The following UTRN variants were observed in gnomAD, a reference collection of about 807,000 sequenced individuals.
UTRN encodes the protein dystrophin-related protein 1.
A neutral mutation model predicts 463.9 loss-of-function variants in UTRN; 283 were observed. That is an observed-to-expected ratio of 0.61 (90% CI 0.55 to 0.67). The LOEUF is 0.67. Among genes scored for constraint, UTRN ranks in the 30% least tolerant of loss-of-function variants. The probability of loss-of-function intolerance (pLI) is 0.00; values close to 1 mark genes in which losing one functional copy is unlikely to be tolerated. For missense variants in UTRN, 3,922 were observed against 4,084.3 expected (o/e 0.96, Z 1.08); for synonymous variants, 1,442 against 1,431.5 (o/e 1.01, Z -0.17).
intron 52 of UTRN, among the ~76,000 whole-genome samples, chr6:144,681,596 T>G (rs559365399): frequency 2.0e-5 from 3 of 151,940 alleles, no homozygotes; most frequent in African/African-American, 7.2e-5. Context: ...GAAATCTGAT[T>G]GCAGAGGACT....
At chr6:144,840,711 T>G (rs753520997) in intron 72 of UTRN, 29 bp from the exon 73 acceptor site, 1 of 1,612,118 alleles carries the variant, frequency 6.2e-7, no homozygotes, top group Non-Finnish European at 8.5e-7. Flanking sequence ...TTTGAGAAGC[T>G]TTGTTGTTCT....
At chr6:144,658,614 A>G (rs1383601664) in intron 51 of UTRN, among the ~76,000 whole-genome samples, 1 of 152,132 alleles carries the variant, frequency 6.6e-6, no homozygotes, top group East Asian at 1.9e-4. Flanking sequence ...ACATTATTCT[A>G]CTTGTGGTAG....
In UTRN at chr6:144,309,006, T is replaced by C. The variant is rs114428867; in HGVS notation, c.79+17099T>C. ...TCCAGTAAAACTGCTCTTGTCAAAG[T>C]TATTAGGGACCTCCTTGTTGCTAAA... On this transcript the variant is annotated intron_variant, in intron 2 of 74. Coordinates refer to ENST00000367545, the MANE Select transcript of UTRN (RefSeq NM_007124.3). Among the ~76,000 whole-genome samples the C allele has an allele frequency of 2.1e-3, 313 of 152,302 alleles. 1 individual carries two copies. Among genetic ancestry groups the C allele is most frequent in the African/African-American group, 7.2e-3 (298 of 41,558 alleles).
chr6:144,784,725 G>A (rs867161957), intron 61 of UTRN, among the ~76,000 whole-genome samples: 1 of 152,344 alleles, frequency 6.6e-6, no homozygotes, highest in African/African-American at 2.4e-5. Flanking sequence ...ATTCTAGGGA[G>A]TTAAATGTTG....
chr6:144,461,238 A>C lies in UTRN; in HGVS notation c.2749A>C (p.Lys917Gln). ...QPGHAYLETLKTLKDVLNDSE... is the reference protein window; with the variant it reads ...QPGHAYLETLQTLKDVLNDSE... The stretch of plus-strand genomic sequence containing the variant: ...TGGACATGCATATCTGGAAACATTG[A>C]AAACACTGAAAGATGTGCTAAATGA... Residue 917 changes from lysine to glutamine, a missense_variant, in exon 22 of 75, where the codon AAA becomes CAA. Physicochemically the swap from Lys to Gln is moderately conservative, Grantham distance 53 (BLOSUM62 1). Transcript: ENST00000367545. 6.2e-7 allele frequency: 1 copy of C among 1,608,792 alleles called. No homozygotes were observed. The highest frequency in any genetic ancestry group is 1.1e-5 in the South Asian group (1 of 89,926).
intron 2 of UTRN, among the ~76,000 whole-genome samples, chr6:144,301,969 T>C (rs1469935714): frequency 6.6e-6 from 1 of 152,162 alleles, no homozygotes; most frequent in Admixed American, 6.6e-5. Flanking sequence ...TTTTGTGTTC[T>C]GGGCTTGATT....
At chr6:144,583,522 T>C in intron 51 of UTRN, 1 of 716,492 alleles carries the variant, frequency 1.4e-6, no homozygotes, top group Non-Finnish European at 2.6e-6. Flanking sequence ...TGAGAACGTC[T>C]CTGCAGAAAG....
intron 27 of UTRN, among the ~76,000 whole-genome samples, chr6:144,484,222 A>G (rs548002066): frequency 1.3e-5 from 2 of 152,308 alleles, no homozygotes; most frequent in East Asian, 3.9e-4. Flanking sequence ...TAAGAACAGT[A>G]TAACTCCAGT....
At chr6:144,317,897 A>G (rs1235035956) in intron 2 of UTRN, among the ~76,000 whole-genome samples, 2 of 152,234 alleles carry the variant, frequency 1.3e-5, no homozygotes, top group Non-Finnish European at 2.9e-5. Flanking sequence ...AAATCTGAAC[A>G]TAAGCATTTC....
chr6:144,520,109 G>C (rs1245706520), intron 39 of UTRN, among the ~76,000 whole-genome samples: 4 of 152,176 alleles, frequency 2.6e-5, no homozygotes, highest in Non-Finnish European at 4.4e-5. Context: ...CAAAATCTTG[G>C]TTAATGGATG....
chr6:144,305,939 T>A (rs1470419485), intron 2 of UTRN, among the ~76,000 whole-genome samples: 1 of 152,252 alleles, frequency 6.6e-6, no homozygotes, highest in African/African-American at 2.4e-5. Flanking sequence ...TGTACCATTT[T>A]CTTTTGCCTA....
At chr6:144,716,846 A>G (rs1786514055) in intron 53 of UTRN, among the ~76,000 whole-genome samples, 2 of 152,192 alleles carry the variant, frequency 1.3e-5, no homozygotes, top group South Asian at 4.1e-4. Context: ...TAACTTTTCA[A>G]GGTTGCATAA....
chr6:144,345,905 C>T (rs1405084019), intron 2 of UTRN, among the ~76,000 whole-genome samples: 3 of 152,026 alleles, frequency 2.0e-5, no homozygotes, highest in Non-Finnish European at 2.9e-5. Context: ...TGGCCGGGGG[C>T]GGTGGCTCAC....
Position 144,458,809 on chromosome 6 carries a change from AG to A in UTRN, c.2326del (p.Val776PhefsTer15). ...PTEEIKNVLEKVSSEWKNVSQ... is the reference protein window; with the variant it reads ...PTEEIKNVLEXVSSEWKNVSQ... ...GAAGAAATAAAAAATGTTCTGGAGA[AG>A]GTTTCATCAGAATGGAAGAATGTAT... is the stretch of plus-strand genomic sequence containing the variant. On this transcript the variant is annotated frameshift_variant, in exon 20 of 75. Coordinates refer to ENST00000367545, the MANE Select transcript of UTRN (RefSeq NM_007124.3). LOFTEE classifies it high-confidence loss of function. 6.2e-7 allele frequency: 1 copy of A among 1,606,934 alleles called. No individual in the cohort carries two copies. Among genetic ancestry groups the A allele is most frequent in the Non-Finnish European group, 8.5e-7 (1 of 1,178,338 alleles).
Position 144,514,725 on chromosome 6 carries a change from G to T in UTRN, c.5149G>T (p.Ala1717Ser), listed in dbSNP as rs139248794. 3.4e-4 allele frequency: 541 copies of T among 1,614,166 alleles called. 2 individuals are homozygous for T. In the African/African-American group the frequency reaches 6.7e-3, roughly 20 times the overall value. The change falls in exon 37 of 75, where the codon GCC becomes TCC. Residue 1717 changes from alanine to serine, a missense_variant. Around this residue, in one of 3 missense-constraint regions of UTRN, gnomAD observed 2,349 missense variants for 2,303.8 expected, o/e 1.02. Coordinates refer to ENST00000367545, the MANE Select transcript of UTRN (RefSeq NM_007124.3). ...VRDQALILMNARGSSSRELVE... is the reference protein window; with the variant it reads ...VRDQALILMNSRGSSSRELVE... Reference sequence around the variant, plus strand: ...CGATCAAGCCCTTATTTTGATGAATGCCCGTGGAAGCTCAAGCAGGGAGCT... The same window carrying T: ...CGATCAAGCCCTTATTTTGATGAATTCCCGTGGAAGCTCAAGCAGGGAGCT...
At chr6:144,696,154 G>GTT (rs1225728740) in intron 52 of UTRN, among the ~76,000 whole-genome samples, 1 of 152,008 alleles carries the variant, frequency 6.6e-6, no homozygotes, top group Non-Finnish European at 1.5e-5. Context: ...TTGACACTAT[G>GTT]TTTAGCCTTA....
chr6:144,587,554 C>G (rs1208092944), intron 51 of UTRN, among the ~76,000 whole-genome samples: 1 of 152,140 alleles, frequency 6.6e-6, no homozygotes, highest in Non-Finnish European at 1.5e-5. Context: ...GTACAGCTCC[C>G]TGTATTTAGA....
In UTRN at chr6:144,820,913, C is replaced by T; in HGVS notation, c.9389C>T (p.Thr3130Ile). Residue 3130 changes from threonine to isoleucine, a missense_variant, in exon 66 of 75, where the codon ACA becomes ATA. By Grantham distance (89) the Thr-to-Ile change is moderately conservative (BLOSUM62 -1). This residue lies in a region of UTRN where 1,309 missense variants were observed against 1,452.6 expected (regional missense o/e 0.90). Transcript: ENST00000367545. The part of the protein sequence containing the change: ...TTSGEDVRDF[T>I]KVLKNKFRSK... ...TCTGGGGAAGATGTACGAGACTTCA[C>T]AAAGGTACTTAAGAACAAGTTCAGG... 6.2e-7 allele frequency: 1 copy of T among 1,613,814 alleles called. No homozygotes were observed. Among genetic ancestry groups the T allele is most frequent in the Non-Finnish European group, 8.5e-7 (1 of 1,179,830 alleles).
chr6:144,650,411 C>A (rs182909376), intron 51 of UTRN, among the ~76,000 whole-genome samples: 14 of 152,198 alleles, frequency 9.2e-5, no homozygotes, highest in Non-Finnish European at 1.0e-4. Context: ...TTGGTGATTC[C>A]AACTTGTTTT....
Sources: allele counts gnomAD v4.1 joint callset (sites outside exome capture counted in the v4.1 genomes callset), GRCh38; gene constraint gnomAD v4.1.1; regional missense constraint gnomAD v4.1.1; transcripts MANE v1.5; gene names NCBI Gene and HGNC (gene_info 2026-07-23, HGNC 2026-07-21).